Variants in ZNF804B observed in about 807,000 individuals in gnomAD.
ZNF804B encodes the protein zinc finger 804B.
A neutral mutation model predicts 101.4 loss-of-function variants in ZNF804B; 80 were observed. The observed-to-expected ratio is 0.79, with a 90% CI of 0.66 to 0.95. ZNF804B has a LOEUF of 0.95. Ranked by LOEUF, ZNF804B falls within the 40% of genes least tolerant of loss-of-function variation. The pLI, the probability that ZNF804B is intolerant of heterozygous loss-of-function variation, is 0.00. For synonymous variants in ZNF804B, 622 were observed against 558.8 expected, an observed-to-expected ratio of 1.11 and a Z score of -1.59; for missense variants, 1,673 against 1,561.9, an observed-to-expected ratio of 1.07 and a Z score of -1.20.
At chr7:88,778,934 C>T (rs1166761986) in intron 1 of ZNF804B, among the ~76,000 whole-genome samples, 1 of 152,176 alleles carries the variant, frequency 6.6e-6, no homozygotes, top group Non-Finnish European at 1.5e-5. Context: ...GATCTTTCTG[C>T]TCATGGCTCC....
At chr7:88,942,480 G>C (rs1413370672) in intron 1 of ZNF804B, among the ~76,000 whole-genome samples, 1 of 145,690 alleles carries the variant, frequency 6.9e-6, no homozygotes, top group Non-Finnish European at 1.5e-5. Flanking sequence ...ATTATGTTTT[G>C]GTATAAAAGA....
chr7:89,061,874 G>A (rs941037652), intron 1 of ZNF804B, among the ~76,000 whole-genome samples: 15 of 151,714 alleles, frequency 9.9e-5, no homozygotes, highest in African/African-American at 2.4e-4. Context: ...TTATCTTCTC[G>A]TCTCTACCTC....
chr7:88,894,496 G>T (rs1171290821), intron 1 of ZNF804B, among the ~76,000 whole-genome samples: 1 of 152,080 alleles, frequency 6.6e-6, no homozygotes, highest in South Asian at 2.1e-4. Flanking sequence ...ACAGATGTGA[G>T]CCACCGCCCC....
chr7:88,847,472 A>G (rs150685262), intron 1 of ZNF804B, among the ~76,000 whole-genome samples: 147 of 152,284 alleles, frequency 9.7e-4, no homozygotes, highest in Non-Finnish European at 1.5e-3. Flanking sequence ...AAACTGAATT[A>G]TTAAAATATA....
chr7:89,195,573 T>C (rs1788534038), intron 1 of ZNF804B, among the ~76,000 whole-genome samples: 1 of 147,186 alleles, frequency 6.8e-6, no homozygotes, highest in Admixed American at 6.8e-5. Flanking sequence ...AAATCATGAG[T>C]GAACTCCCAT....
At chr7:89,327,234 C>T (rs2115982306) in intron 2 of ZNF804B, 110 bp from the exon 3 acceptor site, 1 of 1,011,188 alleles carries the variant, frequency 9.9e-7, no homozygotes, top group East Asian at 3.1e-5. Context: ...ACTCTTTCTG[C>T]CCAGAAAGTC....
At chr7:89,134,613 T>C (rs1349212341) in intron 1 of ZNF804B, among the ~76,000 whole-genome samples, 1 of 152,088 alleles carries the variant, frequency 6.6e-6, no homozygotes, top group Non-Finnish European at 1.5e-5. Flanking sequence ...CCCACAGCGT[T>C]CCTGCTTCCC....
chr7:89,224,859 C>A (rs1584067640), intron 2 of ZNF804B, among the ~76,000 whole-genome samples: 2 of 151,826 alleles, frequency 1.3e-5, no homozygotes, highest in Admixed American at 1.3e-4. Context: ...GCTTCCTGCT[C>A]CTATTTAACT....
At chr7:88,946,487 C>A (rs1160956142) in intron 1 of ZNF804B, among the ~76,000 whole-genome samples, 1 of 150,916 alleles carries the variant, frequency 6.6e-6, no homozygotes, top group Admixed American at 6.6e-5. Context: ...CTGATGGATT[C>A]TGTTTGCCAG....
intron 1 of ZNF804B, among the ~76,000 whole-genome samples, chr7:88,950,543 G>A (rs2098202611): frequency 6.6e-6 from 1 of 151,756 alleles, no homozygotes; most frequent in African/African-American, 2.4e-5. Flanking sequence ...GAACATATAA[G>A]ACTTAATGCC....
chr7:88,875,070 A>G (rs1432338175), intron 1 of ZNF804B, among the ~76,000 whole-genome samples: 2 of 133,198 alleles, frequency 1.5e-5, no homozygotes, highest in Non-Finnish European at 3.1e-5. Context: ...CTGGGTACAT[A>G]ACGAAATGAA....
intron 2 of ZNF804B, among the ~76,000 whole-genome samples, chr7:89,298,036 T>C (rs1004146415): frequency 2.0e-5 from 3 of 146,500 alleles, no homozygotes; most frequent in Non-Finnish European, 3.0e-5. Flanking sequence ...CCTATGCCCA[T>C]ATGTCTGCAG....
At chr7:89,025,240 T>A (rs189043268) in intron 1 of ZNF804B, among the ~76,000 whole-genome samples, 1 of 152,230 alleles carries the variant, frequency 6.6e-6, no homozygotes, top group African/African-American at 2.4e-5. Context: ...TTTGCTCTTA[T>A]GTGGAATTTA....
chr7:89,268,003 T>G (rs959350188), intron 2 of ZNF804B, among the ~76,000 whole-genome samples: 9 of 152,082 alleles, frequency 5.9e-5, no homozygotes, highest in Non-Finnish European at 1.2e-4. Flanking sequence ...GGAAATAATC[T>G]CTCTTTGGTA....
intron 1 of ZNF804B, among the ~76,000 whole-genome samples, chr7:89,156,019 C>CCTTCCTTT (rs1491560521): frequency 3.4e-4 from 41 of 121,930 alleles, no homozygotes; most frequent in African/African-American, 7.2e-4. Context: ...TTCTCTCTTT[C>CCTTCCTTT]CTTTCTTTCT....
At position 88,950,820 on chromosome 7, in the gene ZNF804B, T is replaced by C. The variant is rs530065358; in HGVS notation, c.108+190736T>C. On this transcript the variant is annotated intron_variant, in intron 1 of 3. Transcript: ENST00000333190. ...ATGCTAGCTAGATATGGCTTACGCA[T>C]GCAGTAAATACTCCATATATAGTTT... 9.3e-4 allele frequency among the ~76,000 whole-genome samples: 141 copies of C among 152,022 alleles called. 1 individual carries two copies. The highest frequency in any genetic ancestry group is 1.0e-3 in the Non-Finnish European group (69 of 67,890).
At chr7:88,879,504 A>G (rs1423656413) in intron 1 of ZNF804B, among the ~76,000 whole-genome samples, 3 of 152,206 alleles carry the variant, frequency 2.0e-5, no homozygotes, top group African/African-American at 7.2e-5. Flanking sequence ...TATGGAATTT[A>G]TGTGAGAATA....
intron 1 of ZNF804B, among the ~76,000 whole-genome samples, chr7:89,160,257 T>C (rs1791038569): frequency 1.3e-5 from 2 of 152,180 alleles, no homozygotes; most frequent in South Asian, 4.1e-4. Context: ...CATCTGTGCC[T>C]GTGTGCAATA....
At position 88,796,983 on chromosome 7, in the gene ZNF804B, T is replaced by C. The variant is rs141683739; in HGVS notation, c.108+36899T>C. Among the ~76,000 whole-genome samples, 428 of 152,262 alleles carry C rather than the reference T, an allele frequency of 2.8e-3. 1 individual carries two copies. The highest frequency in any genetic ancestry group is 4.6e-3 in the Non-Finnish European group (310 of 68,000). ...TTTGCACAGAAAATTCTCAAATTATTATCTCCAGTCACTTATTCACAACTC... is the reference window on the plus strand; with the variant it reads ...TTTGCACAGAAAATTCTCAAATTATCATCTCCAGTCACTTATTCACAACTC... On this transcript the variant is annotated intron_variant, in intron 1 of 3. Coordinates refer to ENST00000333190, the MANE Select transcript of ZNF804B (RefSeq NM_181646.5).
Sources: gnomAD v4.1 joint callset for allele counts (sites outside exome capture counted in the v4.1 genomes callset) on GRCh38, gnomAD v4.1.1 for gene constraint, MANE v1.5 for transcripts, NCBI Gene and HGNC (gene_info 2026-07-23, HGNC 2026-07-21) for gene names.